Variants in TAFA1 observed in about 807,000 individuals in gnomAD.
TAFA1 encodes chemokine-like protein TAFA-1.
In TAFA1, 4 loss-of-function variants were observed where a neutral mutation model predicts 18.5. That is an observed-to-expected ratio of 0.22 (90% CI 0.11 to 0.49). The LOEUF (loss-of-function observed/expected upper bound fraction) is 0.49, where lower values mean the gene tolerates loss of function less well. Among genes scored for constraint, TAFA1 ranks in the 20% least tolerant of loss-of-function variants. The pLI is 0.98. For synonymous variants in TAFA1, 56 were observed against 55.2 expected (o/e 1.01, Z -0.06); for missense variants, 147 against 169.0 (o/e 0.87, Z 0.72).
chr3:68,343,531 CAA>C (rs1212765299), intron 2 of TAFA1, among the ~76,000 whole-genome samples: 2 of 152,116 alleles, frequency 1.3e-5, no homozygotes, highest in African/African-American at 4.8e-5. Flanking sequence ...ATGGGGTTCT[CAA>C]ATTCCATGCT....
chr3:68,001,582 T>G (rs958579489), upstream of TAFA1, among the ~76,000 whole-genome samples: 17 of 151,346 alleles, frequency 1.1e-4, no homozygotes, highest in South Asian at 6.2e-4. Context: ...TGTTGTTGTT[T>G]TTTTTTTTTT....
At chr3:68,306,000 G>A (rs943057507) in intron 2 of TAFA1, among the ~76,000 whole-genome samples, 2 of 152,176 alleles carry the variant, frequency 1.3e-5, no homozygotes, top group African/African-American at 4.8e-5. Context: ...CAGTGAATTG[G>A]AGTAAGTTAC....
intron 2 of TAFA1, among the ~76,000 whole-genome samples, chr3:68,325,223 C>T (rs2068757253): frequency 6.6e-6 from 1 of 152,202 alleles, no homozygotes; most frequent in South Asian, 2.1e-4. Flanking sequence ...AGCACCAAGG[C>T]ATCAGTGTCA....
At chr3:68,021,625 A>G (rs1478934783) in intron 2 of TAFA1, among the ~76,000 whole-genome samples, 1 of 152,200 alleles carries the variant, frequency 6.6e-6, no homozygotes, top group Non-Finnish European at 1.5e-5. Context: ...TCTGAATACA[A>G]AATGACATCT....
chr3:68,093,245 T>C (rs769191406), intron 2 of TAFA1, among the ~76,000 whole-genome samples: 26 of 152,098 alleles, frequency 1.7e-4, no homozygotes, highest in Non-Finnish European at 2.9e-4. Context: ...CCTCTTTCTG[T>C]ATATGTCTCT....
intron 3 of TAFA1, among the ~76,000 whole-genome samples, chr3:68,462,379 T>C (rs2071800710): frequency 2.0e-5 from 3 of 152,076 alleles, no homozygotes. Context: ...TGAGATCTGA[T>C]GGTTTCATAA....
chr3:68,268,688 T>A (rs1016393915), intron 2 of TAFA1, among the ~76,000 whole-genome samples: 2 of 152,070 alleles, frequency 1.3e-5, no homozygotes, highest in African/African-American at 4.8e-5. Context: ...CCTAAAAATA[T>A]CCACCTCTTG....
At chr3:68,247,554 C>T (rs991016109) in intron 2 of TAFA1, 5 of 152,134 alleles carry the variant, frequency 3.3e-5, no homozygotes, top group Non-Finnish European at 7.3e-5. Context: ...CACTGAGGCC[C>T]GGGTGCTGCA....
intron 2 of TAFA1, among the ~76,000 whole-genome samples, chr3:68,339,088 G>A (rs2069029683): frequency 6.6e-6 from 1 of 152,218 alleles, no homozygotes; most frequent in Non-Finnish European, 1.5e-5. Context: ...CAAGTCGCAT[G>A]GCCAAAACCA....
At chr3:68,114,869 A>T (rs1024153882) in intron 2 of TAFA1, among the ~76,000 whole-genome samples, 1 of 152,234 alleles carries the variant, frequency 6.6e-6, no homozygotes, top group African/African-American at 2.4e-5. Flanking sequence ...AACAGTGAAA[A>T]GGAAAAATTA....
At chr3:68,395,058 G>A (rs2070346540) in intron 2 of TAFA1, among the ~76,000 whole-genome samples, 1 of 152,040 alleles carries the variant, frequency 6.6e-6, no homozygotes, top group Non-Finnish European at 1.5e-5. Context: ...ATCTGACAAA[G>A]GGCTAATATC....
At chr3:68,353,443 T>C (rs1472928696) in intron 2 of TAFA1, among the ~76,000 whole-genome samples, 1 of 152,096 alleles carries the variant, frequency 6.6e-6, no homozygotes, top group African/African-American at 2.4e-5. Context: ...ATTATTGTGG[T>C]GTGAGCACTC....
intron 2 of TAFA1, among the ~76,000 whole-genome samples, chr3:68,231,451 C>T (rs531520246): frequency 7.0e-6 from 1 of 143,610 alleles, no homozygotes; most frequent in Non-Finnish European, 1.5e-5. Context: ...AGCTCCGCTT[C>T]CCGGGTTCAC....
At chr3:68,085,352 G>C (rs570288066) in intron 2 of TAFA1, among the ~76,000 whole-genome samples, 1 of 152,180 alleles carries the variant, frequency 6.6e-6, no homozygotes, top group African/African-American at 2.4e-5. Context: ...TAAACATACA[G>C]AGTATGCAAC....
the TAFA1 span, among the ~76,000 whole-genome samples, chr3:67,992,127 A>C: frequency 6.6e-6 from 1 of 152,350 alleles, no homozygotes; most frequent in East Asian, 1.9e-4. Flanking sequence ...TGTGTGATTT[A>C]CAATGGTCCC....
chr3:68,230,618 T>A (rs182856295), intron 2 of TAFA1, among the ~76,000 whole-genome samples: 2 of 152,360 alleles, frequency 1.3e-5, no homozygotes, highest in Admixed American at 1.3e-4. Context: ...GTGATTTTCC[T>A]TCCTTTGGAT....
At chr3:68,442,940 A>T (rs1468392613) in intron 3 of TAFA1, among the ~76,000 whole-genome samples, 1 of 152,158 alleles carries the variant, frequency 6.6e-6, no homozygotes, top group Non-Finnish European at 1.5e-5. Flanking sequence ...ATAGATATTT[A>T]CTTCTCATTC....
rs146901141 is a variant in TAFA1 at position 68,035,686 on chromosome 3, G to A, written c.118+28942G>A. On this transcript the variant is annotated intron_variant, in intron 2 of 4. Transcript: ENST00000478136. The stretch of plus-strand genomic sequence containing the variant: ...GCAGAAATCCCACTTCTGAGTATTC[G>A]CCCAAAAGAAATGCAACTTATGTTC... 5.2e-4 allele frequency among the ~76,000 whole-genome samples: 79 copies of A among 152,172 alleles called. No individual in the cohort carries two copies. In the East Asian group the frequency reaches 0.014, roughly 27 times the overall value.
chr3:67,996,934 T>G, the TAFA1 span, among the ~76,000 whole-genome samples: 1 of 152,028 alleles, frequency 6.6e-6, no homozygotes, highest in East Asian at 1.9e-4. Context: ...CACAGAACAA[T>G]AGATGCTACA....
Sources: gnomAD v4.1 joint callset for allele counts (sites outside exome capture counted in the v4.1 genomes callset) on GRCh38, gnomAD v4.1.1 for gene constraint, MANE v1.5 for transcripts, NCBI Gene and HGNC (gene_info 2026-07-23, HGNC 2026-07-21) for gene names.